Variants in PCDHGA2 observed in about 807,000 individuals in gnomAD.
PCDHGA2 encodes the protein protocadherin gamma-A2.
PCDHGA2 carries 40 observed loss-of-function variants against 59.2 expected under a neutral mutation model. That is an observed-to-expected ratio of 0.68 (90% CI 0.52 to 0.88). The LOEUF (loss-of-function observed/expected upper bound fraction) is 0.88, where lower values mean the gene tolerates loss of function less well. Ranked by LOEUF, PCDHGA2 falls within the 40% of genes least tolerant of loss-of-function variation. The pLI, the probability that PCDHGA2 is intolerant of heterozygous loss-of-function variation, is 0.00. For synonymous variants in PCDHGA2, 560 were observed against 526.0 expected (o/e 1.06, Z -0.89); for missense variants, 1,226 against 1,204.0 (o/e 1.02, Z -0.27).
chr5:141,341,417 T>C, intron 1 of PCDHGA2, 22 bp downstream of exon 1: 1 of 1,613,984 alleles, frequency 6.2e-7, no homozygotes, highest in Non-Finnish European at 8.5e-7. Flanking sequence ...TTTCACAACA[T>C]ACGTACTAGC....
In PCDHGA2 at chr5:141,432,071, A is replaced by G; in HGVS notation, c.2425-62736A>G. On this transcript the variant is annotated intron_variant, in intron 1 of 3. Transcript: ENST00000394576. The surrounding 1 kb of genome is among the most constrained non-coding windows in gnomAD (Gnocchi z 6.0). ...CCCGCCCCTATCCACGGAAACTCAT[A>G]TCTCGCTGAACGTGGCAGACACCAA... is the stretch of plus-strand genomic sequence containing the variant. 2 of 1,614,158 alleles carry G rather than the reference A, an allele frequency of 1.2e-6. No individual in the cohort carries two copies. The highest frequency in any genetic ancestry group is 1.7e-6 in the Non-Finnish European group (2 of 1,180,032).
At chr5:141,355,397 T>A in intron 1 of PCDHGA2, 2 of 1,614,048 alleles carry the variant, frequency 1.2e-6, no homozygotes, top group African/African-American at 1.3e-5. Context: ...GGAGTCCGCA[T>A]CGTCTCCAGA....
intron 1 of PCDHGA2, among the ~76,000 whole-genome samples, chr5:141,406,857 A>T (rs1377435171): frequency 2.0e-5 from 3 of 152,244 alleles, no homozygotes; most frequent in Admixed American, 2.0e-4. Flanking sequence ...TTAAGAAAAT[A>T]TTCTCAGGAA....
intron 1 of PCDHGA2, among the ~76,000 whole-genome samples, chr5:141,353,205 C>A (rs1014570316): frequency 2.0e-5 from 3 of 152,184 alleles, no homozygotes; most frequent in Admixed American, 6.5e-5. Flanking sequence ...CTAAAGAGAC[C>A]TGTTTCCTAG....
At chr5:141,361,977 C>G in intron 1 of PCDHGA2, 1 of 1,601,656 alleles carries the variant, frequency 6.2e-7, no homozygotes, top group Non-Finnish European at 8.5e-7. Context: ...CCAGCGAGCC[C>G]GGGCTCTTCA....
At chr5:141,472,507 T>G (rs919448316) in intron 1 of PCDHGA2, among the ~76,000 whole-genome samples, 2 of 151,872 alleles carry the variant, frequency 1.3e-5, no homozygotes, top group African/African-American at 4.8e-5. Context: ...GCCACTGCAC[T>G]CCAGCCTGGG....
rs547212517 is a variant in PCDHGA2 at position 141,339,111 on chromosome 5, A to C, written c.140A>C (p.Asn47Thr). ...EEIDRGSFVGNIAKDLGLEPL... is the reference protein window; with the variant it reads ...EEIDRGSFVGTIAKDLGLEPL... The stretch of plus-strand genomic sequence containing the variant: ...ATCGACAGAGGCTCCTTCGTAGGCA[A>C]CATCGCCAAGGACTTGGGTTTGGAG... The change falls in exon 1 of 4, where the codon AAC becomes ACC. Residue 47 changes from asparagine (N) to threonine (T), a missense_variant. Asn to Thr is a moderately conservative substitution (Grantham distance 65). Transcript: ENST00000394576. The C allele has an allele frequency of 1.2e-6, 2 of 1,614,244 alleles. 1 individual carries two copies. The highest frequency in any genetic ancestry group is 2.2e-5 in the South Asian group (2 of 91,092).
intron 1 of PCDHGA2, chr5:141,393,947 G>T: frequency 6.2e-7 from 1 of 1,613,972 alleles, no homozygotes; most frequent in Non-Finnish European, 8.5e-7. Context: ...ACTCTGGAAA[G>T]AATGGTCAAG....
rs762574320 is a variant in PCDHGA2, at chr5:141,485,926, G to A, written c.2425-8881G>A. The A allele has an allele frequency of 2.0e-5, 32 of 1,614,090 alleles. No individual in the cohort carries two copies. Among genetic ancestry groups the A allele is most frequent in the Admixed American group, 1.2e-4 (7 of 60,006 alleles). ...AGCAATCCAGCTACAGGATTAGTGT[G>A]TTGGAGAGCGCACCAGCGGGCATGG... On this transcript the variant is annotated intron_variant, in intron 1 of 3. Transcript: ENST00000394576. The surrounding 1 kb of genome is among the most constrained non-coding windows in gnomAD (Gnocchi z 5.7).
chr5:141,419,469 A>G, intron 1 of PCDHGA2: 1 of 1,612,490 alleles, frequency 6.2e-7, no homozygotes, highest in South Asian at 1.1e-5. Context: ...GCCCGCGACC[A>G]GGGCTCGCCC....
In PCDHGA2 at chr5:141,408,733, T is replaced by C. The variant is rs753545231; in HGVS notation, c.2424+67338T>C. The C allele has an allele frequency of 7.5e-6, 12 of 1,610,158 alleles. No individual in the cohort carries two copies. The South Asian group carries it at 1.3e-4, about 18-fold the overall frequency. Reference sequence around the variant, plus strand: ...ATTATAAGATAAACTCTAATCCTTATTTTTCATTAATGGTTAGAGTTAATT... The same window carrying C: ...ATTATAAGATAAACTCTAATCCTTACTTTTCATTAATGGTTAGAGTTAATT... On this transcript the variant is annotated intron_variant, in intron 1 of 3. Transcript: ENST00000394576.
rs1264688160 is a variant in PCDHGA2, at chr5:141,493,193, G to A, written c.2425-1614G>A. 6.6e-6 allele frequency among the ~76,000 whole-genome samples: 1 copy of A among 152,128 alleles called. No individual in the cohort carries two copies. On this transcript the variant is annotated intron_variant, in intron 1 of 3. Transcript: ENST00000394576. This position sits in a 1 kb window ranked among gnomAD's most constrained non-coding sequence, Gnocchi z 4.3. ...GAGAAACTTACTATATAACTCCTTT[G>A]AGAACCTCATCTCATTTGCTCTTCC...
At chr5:141,417,943 G>A (rs772925118) in intron 1 of PCDHGA2, 2 of 1,613,194 alleles carry the variant, frequency 1.2e-6, no homozygotes, top group Admixed American at 1.7e-5. Flanking sequence ...TCTACCCCAC[G>A]CTGTGTGAGC....
At chr5:141,349,596 A>G (rs964490671) in intron 1 of PCDHGA2, among the ~76,000 whole-genome samples, 7 of 152,208 alleles carry the variant, frequency 4.6e-5, no homozygotes, top group African/African-American at 1.7e-4. Flanking sequence ...TGCAAAAACT[A>G]TTTTTGAAAA....
At chr5:141,382,679 C>G in intron 1 of PCDHGA2, 1 of 439,974 alleles carries the variant, frequency 2.3e-6, no homozygotes, top group South Asian at 6.8e-5. Flanking sequence ...GTTCACCAAC[C>G]AGGGAAAAAT....
intron 1 of PCDHGA2, chr5:141,408,674 A>T (rs1005052894): frequency 3.1e-6 from 5 of 1,614,000 alleles, no homozygotes; most frequent in Non-Finnish European, 4.2e-6. Flanking sequence ...TGACCCTGCC[A>T]CGGATCCTGA....
intron 1 of PCDHGA2, chr5:141,421,546 A>C: frequency 6.2e-7 from 1 of 1,614,014 alleles, no homozygotes; most frequent in Non-Finnish European, 8.5e-7. Context: ...TTTTTTAAAT[A>C]TGGAACTTCT....
intron 1 of PCDHGA2, chr5:141,355,496 C>G: frequency 6.2e-7 from 1 of 1,614,080 alleles, no homozygotes; most frequent in Non-Finnish European, 8.5e-7. Flanking sequence ...TGCGACAGAT[C>G]TCCAAACTGT....
intron 1 of PCDHGA2, chr5:141,343,884 G>C (rs1006041268): frequency 1.5e-6 from 1 of 648,930 alleles, no homozygotes; most frequent in Non-Finnish European, 2.6e-6. Flanking sequence ...CAGAAGATCC[G>C]GGGCGGCTGC....
Sources: gnomAD v4.1 joint callset for allele counts (sites outside exome capture counted in the v4.1 genomes callset) on GRCh38, gnomAD v4.1.1 for gene constraint, Gnocchi (gnomAD v3.1) non-coding constraint, MANE v1.5 for transcripts, NCBI Gene and HGNC (gene_info 2026-07-23, HGNC 2026-07-21) for gene names.